KCNT1: variants seen among roughly 807,000 people sequenced by gnomAD.
KCNT1 encodes potassium sodium-activated channel subfamily T member 1.
A neutral mutation model predicts 147.8 loss-of-function variants in KCNT1; 78 were observed. The ratio of observed to expected loss-of-function variants is 0.53; its 90% confidence interval spans 0.44 to 0.64. The LOEUF is 0.64. Among genes scored for constraint, KCNT1 ranks in the 30% least tolerant of loss-of-function variants. The pLI, the probability that KCNT1 is intolerant of heterozygous loss-of-function variation, is 0.00. For missense variants in KCNT1, 1,419 were observed against 1,750.3 expected (o/e 0.81, Z 3.38); for synonymous variants, 867 against 748.8 (o/e 1.16, Z -2.58).
At chr9:135,783,623 C>G (rs1833786084) in intron 24 of KCNT1, among the ~76,000 whole-genome samples, 2 of 152,242 alleles carry the variant, frequency 1.3e-5, no homozygotes, top group Non-Finnish European at 2.9e-5. Flanking sequence ...CCTCCTCAGC[C>G]CAGACTCCAC....
intron 4 of KCNT1, among the ~76,000 whole-genome samples, chr9:135,753,493 G>A (rs994088255): frequency 1.3e-5 from 2 of 152,178 alleles, no homozygotes; most frequent in Non-Finnish European, 2.9e-5. Flanking sequence ...TCCTCTCCCT[G>A]TCTCTTGAAC....
At position 135,784,876 on chromosome 9, in the gene KCNT1, T is replaced by C; in HGVS notation, c.3143T>C (p.Phe1048Ser). Residue 1048 changes from phenylalanine to serine, a missense_variant, in exon 27 of 31, where the codon TTC becomes TCC. By Grantham distance (155) the Phe-to-Ser change is radical (BLOSUM62 -2). Coordinates refer to ENST00000371757, the MANE Select transcript of KCNT1 (RefSeq NM_020822.3). Reference protein sequence around the residue: ...IGIYRTESHVFSTSEPHDLRA... With the variant: ...IGIYRTESHVSSTSEPHDLRA... The stretch of plus-strand genomic sequence containing the variant: ...ATCTACCGGACAGAGAGCCACGTCT[T>C]CTCCACCTCGGAGGTTCTGGGGCAG... The C allele has an allele frequency of 6.2e-7, 1 of 1,612,474 alleles. No homozygotes were observed. Among genetic ancestry groups the C allele is most frequent in the South Asian group, 1.1e-5 (1 of 91,076 alleles).
Position 135,720,718 on chromosome 9 carries a change from C to T in KCNT1, c.254+5998C>T, listed in dbSNP as rs536899658. 2.9e-3 allele frequency among the ~76,000 whole-genome samples: 442 copies of T among 152,310 alleles called. 5 individuals are homozygous for T. The highest frequency in any genetic ancestry group is 3.3e-3 in the Admixed American group (51 of 15,310). On this transcript the variant is annotated intron_variant, in intron 2 of 30. Transcript: ENST00000371757. ...TCTGGGACCCTGAGCTGAGAAGGCC[C>T]GGGAGCCAGCCCCAGCTCCCTGAAG... is the stretch of plus-strand genomic sequence containing the variant.
Position 135,772,929 on chromosome 9 carries a change from C to T in KCNT1, c.2223C>T (p.Asp741=), listed in dbSNP as rs144118960. 62 of 1,515,894 alleles carry T rather than the reference C, an allele frequency of 4.1e-5. No individual in the cohort carries two copies. Among genetic ancestry groups the T allele is most frequent in the East Asian group, 4.9e-5 (2 of 40,662 alleles). The allele number at this position is 1,515,894 out of a possible 1,614,324, so 93.9% of individuals were successfully genotyped here. A position where few individuals can be genotyped will look rare whatever the true frequency, so the allele number is the denominator to read the frequency against. ...AGGATGAGGTGACGCCGTCGGACGACGAGGGGCTCTCCGTGGTAGAGTGAG... is the reference window on the plus strand; with the variant it reads ...AGGATGAGGTGACGCCGTCGGACGATGAGGGGCTCTCCGTGGTAGAGTGAG... The part of the protein sequence containing the change: ...QSEDEVTPSD[D]EGLSVVEYVK... The change falls in exon 19 of 31, where the codon GAC becomes GAT. Residue 741 remains aspartate (D), a synonymous_variant. Transcript: ENST00000371757.
chr9:135,761,700 A>T (rs1831922056), intron 11 of KCNT1, among the ~76,000 whole-genome samples: 1 of 152,194 alleles, frequency 6.6e-6, no homozygotes, highest in Non-Finnish European at 1.5e-5. Flanking sequence ...CTGCACCCAG[A>T]TGCTCTGCAG....
Position 135,702,224 on chromosome 9 carries a change from TTCTCCC to T in KCNT1, c.-32_-27del, listed in dbSNP as rs1419802219. 2 of 1,503,422 alleles carry T rather than the reference TTCTCCC, an allele frequency of 1.3e-6. No individual in the cohort carries two copies. The highest frequency in any genetic ancestry group is 1.8e-6 in the Non-Finnish European group (2 of 1,089,076). The allele number at this position is 1,503,422 out of a possible 1,614,324, so 93.1% of individuals were successfully genotyped here. Reference sequence around the variant, plus strand: ...GAAGAAGGTGGCGGCTCCCACTCGCTTCTCCCTCGGGTCGGGTCCGAGCTGCCAGGC... The same window carrying T: ...GAAGAAGGTGGCGGCTCCCACTCGCTTCGGGTCGGGTCCGAGCTGCCAGGC... On this transcript the variant is annotated 5_prime_UTR_variant, in exon 1 of 31. Coordinates refer to ENST00000371757, the MANE Select transcript of KCNT1 (RefSeq NM_020822.3).
intron 19 of KCNT1, among the ~76,000 whole-genome samples, chr9:135,774,034 GGTGT>G (rs141610016): frequency 6.6e-6 from 1 of 151,562 alleles, no homozygotes; most frequent in East Asian, 1.9e-4. Context: ...GGGTGTGTCC[GGTGT>G]GTGTGTGTGG....
At chr9:135,764,317 GT>G (rs1237154221) in intron 11 of KCNT1, among the ~76,000 whole-genome samples, 3 of 152,058 alleles carry the variant, frequency 2.0e-5, no homozygotes, top group Non-Finnish European at 4.4e-5. Context: ...AAACTAGCTG[GT>G]CATGGTGGTG....
At position 135,772,878 on chromosome 9, in the gene KCNT1, C is replaced by T. The variant is rs1354699667; in HGVS notation, c.2172C>T (p.Pro724=). The change falls in exon 19 of 31, where the codon CCC becomes CCT. Residue 724 remains proline, a synonymous_variant. Transcript: ENST00000371757. Reference sequence around the variant, plus strand: ...TGGCCGACAGCTCAGCCCTGCTGCCCTGCGACCTGCTGAGCGACCAGTCGG... The same window carrying T: ...TGGCCGACAGCTCAGCCCTGCTGCCTTGCGACCTGCTGAGCGACCAGTCGG... ...LELADSSALL[P]CDLLSDQSED... The T allele has an allele frequency of 1.3e-6, 2 of 1,558,410 alleles. No individual in the cohort carries two copies. Among genetic ancestry groups the T allele is most frequent in the East Asian group, 4.8e-5 (2 of 41,898 alleles).
At chr9:135,728,511 G>A (rs1156869941) in intron 2 of KCNT1, among the ~76,000 whole-genome samples, 1 of 152,214 alleles carries the variant, frequency 6.6e-6, no homozygotes, top group East Asian at 1.9e-4. Context: ...ATTTCAGGAG[G>A]CCCTGATTAG....
chr9:135,785,956 C>T, intron 28 of KCNT1: 1 of 565,340 alleles, frequency 1.8e-6, no homozygotes, highest in Non-Finnish European at 3.1e-6. Context: ...TTGACCAGGC[C>T]CGGGCAGGGT....
intron 1 of KCNT1, among the ~76,000 whole-genome samples, chr9:135,705,243 C>T (rs1208066285): frequency 1.3e-5 from 2 of 152,224 alleles, no homozygotes; most frequent in African/African-American, 4.8e-5. Context: ...CCCCGGGATG[C>T]AAACTTGCAG....
rs562824526 is a variant in KCNT1, at chr9:135,771,586, C to T, written c.2008+491C>T. 9.2e-5 allele frequency among the ~76,000 whole-genome samples: 14 copies of T among 152,338 alleles called. No homozygotes were observed. In the South Asian group the frequency reaches 2.1e-3, roughly 23 times the overall value. Reference sequence around the variant, plus strand: ...GCTTCACGTGTGTCCCTCAAACAGTCGGGAGTCCTGACGTCCACTGGGGCC... The same window carrying T: ...GCTTCACGTGTGTCCCTCAAACAGTTGGGAGTCCTGACGTCCACTGGGGCC... On this transcript the variant is annotated intron_variant, in intron 18 of 30. Coordinates refer to ENST00000371757, the MANE Select transcript of KCNT1 (RefSeq NM_020822.3).
chr9:135,783,252 C>T (rs752775844), intron 24 of KCNT1, among the ~76,000 whole-genome samples: 4 of 152,230 alleles, frequency 2.6e-5, no homozygotes, highest in Admixed American at 6.5e-5. Flanking sequence ...AGGTTCACGC[C>T]GTCAGGGTCC....
intron 19 of KCNT1, among the ~76,000 whole-genome samples, chr9:135,774,422 G>C (rs1174025958): frequency 7.0e-6 from 1 of 142,912 alleles, no homozygotes; most frequent in Non-Finnish European, 1.5e-5. Context: ...GTGTGTGTCT[G>C]TGTGTTGTGT....
rs537431085 is a variant in KCNT1, at chr9:135,770,304, A to G, written c.1626A>G (p.Gly542=). Reference sequence around the variant, plus strand: ...GCCCCGCCCTGGCCCACAGGGAGGGACAGGAGTCTCCGGAGCAGTGGCAGC... The same window carrying G: ...GCCCCGCCCTGGCCCACAGGGAGGGGCAGGAGTCTCCGGAGCAGTGGCAGC... ...LLVHTSRGQE[G]QESPEQWQRM... The change falls in exon 17 of 31, where the codon GGA becomes GGG. Residue 542 remains glycine, a synonymous_variant. Transcript: ENST00000371757. 150 of 1,600,268 alleles carry G rather than the reference A, an allele frequency of 9.4e-5. 1 individual carries two copies. The Admixed American group carries it at 2.4e-3, about 26-fold the overall frequency.
intron 2 of KCNT1, among the ~76,000 whole-genome samples, chr9:135,718,094 T>C (rs540283723): frequency 2.0e-5 from 3 of 152,344 alleles, no homozygotes; most frequent in South Asian, 2.1e-4. Context: ...TGGAGGACCC[T>C]CCTGGGTGCT....
At chr9:135,705,386 C>T (rs746203361) in intron 1 of KCNT1, among the ~76,000 whole-genome samples, 2 of 152,234 alleles carry the variant, frequency 1.3e-5, no homozygotes, top group African/African-American at 4.8e-5. Flanking sequence ...GGATGCTGAA[C>T]GGGTATCGTG....
In KCNT1 at chr9:135,749,743, A is replaced by G. The variant is rs79870263; in HGVS notation, c.255-355A>G. Among the ~76,000 whole-genome samples, 3,065 of 152,120 alleles carry G rather than the reference A, an allele frequency of 0.02. 273 individuals carry two copies. In the East Asian group the frequency reaches 0.27, roughly 14 times the overall value. On this transcript the variant is annotated intron_variant, in intron 2 of 30. Transcript: ENST00000371757. ...TCCCCAGGGCCATATGGGCAACTTT[A>G]CCTCCTGGCAGGTGCCCTGCACCCA...
Sources: gnomAD v4.1 joint callset for allele counts (sites outside exome capture counted in the v4.1 genomes callset) on GRCh38, gnomAD v4.1.1 for gene constraint, MANE v1.5 for transcripts, NCBI Gene and HGNC (gene_info 2026-07-23, HGNC 2026-07-21) for gene names.